Variants in NCOA2 observed in about 807,000 individuals in gnomAD.
NCOA2 encodes the protein class E basic helix-loop-helix protein 75.
A neutral mutation model predicts 145.1 loss-of-function variants in NCOA2; 21 were observed. The ratio of observed to expected loss-of-function variants is 0.14; its 90% confidence interval spans 0.10 to 0.21. The LOEUF is 0.21. Among genes scored for constraint, NCOA2 ranks in the 10% least tolerant of loss-of-function variants. The pLI, the probability that NCOA2 is intolerant of heterozygous loss-of-function variation, is 1.00. For missense variants in NCOA2, 1,472 were observed against 1,837.6 expected, an observed-to-expected ratio of 0.80 and a Z score of 3.64; for synonymous variants, 619 against 637.5, an observed-to-expected ratio of 0.97 and a Z score of 0.44.
chr8:70,350,856 C>T (rs1809109425), intron 1 of NCOA2, among the ~76,000 whole-genome samples: 1 of 152,162 alleles, frequency 6.6e-6, no homozygotes, highest in African/African-American at 2.4e-5. Flanking sequence ...AATGGGACAT[C>T]GTCTTAGTCC....
intron 1 of NCOA2, among the ~76,000 whole-genome samples, chr8:70,365,101 G>C (rs1037432452): frequency 1.3e-5 from 2 of 152,198 alleles, no homozygotes. Context: ...GGGAGGCCAA[G>C]GAGGGTGCAT....
intron 2 of NCOA2, among the ~76,000 whole-genome samples, chr8:70,218,897 T>TC (rs888724315): frequency 5.3e-5 from 8 of 151,860 alleles, no homozygotes; most frequent in Non-Finnish European, 1.0e-4. Flanking sequence ...AAATGGCTAT[T>TC]CCCCCCCTCA....
At chr8:70,270,207 A>G (rs1313529960) in intron 2 of NCOA2, among the ~76,000 whole-genome samples, 1 of 151,848 alleles carries the variant, frequency 6.6e-6, no homozygotes. Context: ...AAAAAAAAAG[A>G]AGAAAAAAGA....
intron 2 of NCOA2, among the ~76,000 whole-genome samples, chr8:70,221,680 G>C (rs1183147651): frequency 6.6e-6 from 1 of 152,146 alleles, no homozygotes; most frequent in Admixed American, 6.5e-5. Flanking sequence ...ATTTTGGCAA[G>C]ATCCCAACTT....
Position 70,140,595 on chromosome 8 carries a change from T to G in NCOA2, c.3028+589A>C, listed in dbSNP as rs868488305. Among the ~76,000 whole-genome samples the G allele has an allele frequency of 4.7e-3, 649 of 136,856 alleles. 4 individuals are homozygous for G. The highest frequency in any genetic ancestry group is 0.017 in the African/African-American group (613 of 35,250). The allele number at this position is 136,856 out of a possible 152,430, so 89.8% of individuals were successfully genotyped here. A position where few individuals can be genotyped will look rare whatever the true frequency, so the allele number is the denominator to read the frequency against. ...GAAACTACTGCTGTACCACCTAAGTTTTTTTTTTTTTTTTTTTTTTTTGAG... is the reference window on the plus strand; with the variant it reads ...GAAACTACTGCTGTACCACCTAAGTGTTTTTTTTTTTTTTTTTTTTTTGAG... On this transcript the variant is annotated intron_variant, in intron 14 of 22. Coordinates refer to ENST00000452400, the MANE Select transcript of NCOA2 (RefSeq NM_006540.4).
At chr8:70,337,193 G>A (rs1276250939) in intron 1 of NCOA2, among the ~76,000 whole-genome samples, 2 of 144,914 alleles carry the variant, frequency 1.4e-5, no homozygotes, top group Admixed American at 6.7e-5. Context: ...ACCCAGCACT[G>A]CTGAGGAGTG....
intron 2 of NCOA2, among the ~76,000 whole-genome samples, chr8:70,282,888 C>T (rs1323831787): frequency 2.6e-5 from 4 of 152,068 alleles, no homozygotes; most frequent in African/African-American, 9.7e-5. Flanking sequence ...TCTCAGTGTC[C>T]CCATTTTCTA....
intron 2 of NCOA2, among the ~76,000 whole-genome samples, chr8:70,249,043 T>C (rs867509768): frequency 1.3e-5 from 2 of 152,120 alleles, no homozygotes; most frequent in South Asian, 2.1e-4. Context: ...GCACATTTCC[T>C]AGGACTGTAA....
At chr8:70,244,000 T>C in intron 2 of NCOA2, among the ~76,000 whole-genome samples, 1 of 152,026 alleles carries the variant, frequency 6.6e-6, no homozygotes, top group Middle Eastern at 3.2e-3. Context: ...CTCCTGCACT[T>C]AGTATAATTA....
chr8:70,212,095 A>ATATC (rs1819103536), intron 4 of NCOA2, among the ~76,000 whole-genome samples: 1 of 101,990 alleles, frequency 9.8e-6, no homozygotes, highest in Admixed American at 1.1e-4. Flanking sequence ...ATATATATAT[A>ATATC]TATATTTGTT....
chr8:70,195,759 C>T (rs888737734), intron 4 of NCOA2, among the ~76,000 whole-genome samples: 1 of 152,182 alleles, frequency 6.6e-6, no homozygotes, highest in African/African-American at 2.4e-5. Context: ...AGAAATCCCA[C>T]GTTCCATTGC....
the NCOA2 span, among the ~76,000 whole-genome samples, chr8:70,412,647 CAAAAAAA>C: frequency 4.1e-5 from 2 of 48,304 alleles, no homozygotes; most frequent in African/African-American, 8.3e-5. Flanking sequence ...TACTTCGTCT[CAAAAAAA>C]AAAAAAAAAA....
intron 1 of NCOA2, among the ~76,000 whole-genome samples, chr8:70,386,089 G>A (rs1812636946): frequency 6.6e-6 from 1 of 152,178 alleles, no homozygotes; most frequent in Non-Finnish European, 1.5e-5. Context: ...TTCCTTATGG[G>A]AAAGAGGATT....
At chr8:70,403,060 C>T (rs1414991538) in intron 1 of NCOA2, among the ~76,000 whole-genome samples, 1 of 149,076 alleles carries the variant, frequency 6.7e-6, no homozygotes, top group East Asian at 2.0e-4. Flanking sequence ...CGCTGCAGCT[C>T]GCCGGCCGCC....
intron 5 of NCOA2, among the ~76,000 whole-genome samples, chr8:70,173,124 C>A (rs560557814): frequency 6.6e-6 from 1 of 152,348 alleles, no homozygotes; most frequent in Admixed American, 6.5e-5. Context: ...GATCAATGCA[C>A]TAAATTCTCA....
At chr8:70,387,708 G>C (rs1386860061) in intron 1 of NCOA2, among the ~76,000 whole-genome samples, 1 of 151,572 alleles carries the variant, frequency 6.6e-6, no homozygotes, top group Non-Finnish European at 1.5e-5. Context: ...GGGATAGAGG[G>C]GGAGGGCGGG....
chr8:70,212,976 C>T (rs796901325), intron 4 of NCOA2, among the ~76,000 whole-genome samples: 6 of 150,778 alleles, frequency 4.0e-5, no homozygotes, highest in African/African-American at 9.7e-5. Context: ...CCCAGCTACT[C>T]GGGAGGCTGA....
intron 13 of NCOA2, among the ~76,000 whole-genome samples, chr8:70,142,357 A>G (rs1356894331): frequency 6.6e-6 from 1 of 152,208 alleles, no homozygotes; most frequent in African/African-American, 2.4e-5. Context: ...CACTTACGAA[A>G]TGAGAATGTG....
chr8:70,131,956 C>T lies in NCOA2; in HGVS notation c.3205G>A (p.Ala1069Thr), dbSNP rs369741396. Reference protein sequence around the residue: ...SPDDLLCPHPAAESPSDEGAL... With the variant: ...SPDDLLCPHPTAESPSDEGAL... ...CCCTCATCACTCGGAGACTCAGCTG[C>T]AGGATGTGGACATAGCAAGTCATCT... The change falls in exon 16 of 23, where the codon GCA (alanine) becomes ACA (threonine). Residue 1069 changes from alanine (A) to threonine (T), a missense_variant. By Grantham distance (58) the Ala-to-Thr change is moderately conservative (BLOSUM62 0). Around this residue, in one of 4 missense-constraint regions of NCOA2, gnomAD observed 953 missense variants for 1,062.1 expected, o/e 0.90. Coordinates refer to ENST00000452400, the MANE Select transcript of NCOA2 (RefSeq NM_006540.4). 28 of 1,612,118 alleles carry T rather than the reference C, an allele frequency of 1.7e-5. No individual in the cohort carries two copies. The highest frequency in any genetic ancestry group is 2.2e-5 in the Non-Finnish European group (26 of 1,179,258).
Sources: allele counts gnomAD v4.1 joint callset (sites outside exome capture counted in the v4.1 genomes callset), GRCh38; gene constraint gnomAD v4.1.1; regional missense constraint gnomAD v4.1.1; transcripts MANE v1.5; gene names NCBI Gene and HGNC (gene_info 2026-07-23, HGNC 2026-07-21).